Variants in SUPT3H observed in about 807,000 individuals in gnomAD.
SUPT3H encodes the protein transcription initiation protein SPT3 homolog.
Under a neutral mutation model 44.3 loss-of-function variants are expected in SUPT3H, and 44 were observed. The observed-to-expected ratio is 0.99, with a 90% CI of 0.78 to 1.28. The LOEUF (loss-of-function observed/expected upper bound fraction) is 1.28. SUPT3H is among the 50% of genes most tolerant of loss of function. SUPT3H has a pLI of 0.00. For synonymous variants in SUPT3H, 124 were observed against 125.6 expected (o/e 0.99, Z 0.09); for missense variants, 380 against 387.1 (o/e 0.98, Z 0.15).
chr6:45,074,244 C>G (rs1298875814), intron 3 of SUPT3H, among the ~76,000 whole-genome samples: 1 of 151,786 alleles, frequency 6.6e-6, no homozygotes, highest in African/African-American at 2.4e-5. Flanking sequence ...AGCATAAAAA[C>G]TATAACCATA....
intron 10 of SUPT3H, among the ~76,000 whole-genome samples, chr6:44,847,029 C>A (rs1173098394): frequency 1.3e-5 from 2 of 152,164 alleles, no homozygotes; most frequent in African/African-American, 4.8e-5. Context: ...TGTGTTTAAA[C>A]TGGAAAACAC....
intron 11 of SUPT3H, among the ~76,000 whole-genome samples, chr6:44,812,372 C>T (rs1298119794): frequency 2.0e-5 from 3 of 152,142 alleles, no homozygotes; most frequent in Non-Finnish European, 4.4e-5. Flanking sequence ...TTCCTTGGCT[C>T]GTGGCTCCTT....
chr6:44,926,251 A>C (rs891724986), intron 10 of SUPT3H, among the ~76,000 whole-genome samples: 8 of 152,124 alleles, frequency 5.3e-5, no homozygotes, highest in Non-Finnish European at 1.0e-4. Flanking sequence ...AAAATAATTA[A>C]AAATACAGAT....
intron 2 of SUPT3H, among the ~76,000 whole-genome samples, chr6:45,285,722 T>C (rs533693554): frequency 6.6e-6 from 1 of 152,228 alleles, no homozygotes; most frequent in South Asian, 2.1e-4. Flanking sequence ...ATGACTTTCT[T>C]CACAGAATTG....
At chr6:45,210,691 A>G (rs1763946275) in intron 2 of SUPT3H, among the ~76,000 whole-genome samples, 1 of 152,202 alleles carries the variant, frequency 6.6e-6, no homozygotes, top group Admixed American at 6.5e-5. Flanking sequence ...CCTTGGCAAA[A>G]TAAACTTTCT....
In SUPT3H at chr6:45,288,565, GTATATATATA is replaced by G. The variant is rs59842389; in HGVS notation, c.101+76626_101+76635del. ...TGTGTGTGTATATATATATATATAT[GTATATATATA>G]TATATATGTATATATATATATGTGT... is the stretch of plus-strand genomic sequence containing the variant. On this transcript the variant is annotated intron_variant, in intron 2 of 10. Coordinates refer to ENST00000371459, the MANE Select transcript of SUPT3H (RefSeq NM_003599.4). Among the ~76,000 whole-genome samples, 929 of 95,332 alleles carry G rather than the reference GTATATATATA, an allele frequency of 9.7e-3. 25 individuals are homozygous for G. The highest frequency in any genetic ancestry group is 0.028 in the South Asian group (73 of 2,566). 62.5% of individuals were successfully genotyped at this position (95,332 alleles called of 152,430 possible).
intron 2 of SUPT3H, among the ~76,000 whole-genome samples, chr6:45,172,926 T>C (rs1811069377): frequency 6.6e-6 from 1 of 152,178 alleles, no homozygotes; most frequent in Admixed American, 6.5e-5. Flanking sequence ...AGGAATTATA[T>C]TGGCTATCCT....
At chr6:45,145,190 T>C (rs1762121329) in intron 2 of SUPT3H, among the ~76,000 whole-genome samples, 1 of 151,702 alleles carries the variant, frequency 6.6e-6, no homozygotes, top group South Asian at 2.1e-4. Context: ...AGGGGACCAA[T>C]AAAGATCCTA....
At chr6:45,144,924 G>T (rs1805799408) in intron 2 of SUPT3H, among the ~76,000 whole-genome samples, 1 of 152,030 alleles carries the variant, frequency 6.6e-6, no homozygotes, top group Non-Finnish European at 1.5e-5. Context: ...TTTGACAACA[G>T]CTGCAAAATA....
At chr6:44,882,029 C>G (rs1300237916) in intron 10 of SUPT3H, among the ~76,000 whole-genome samples, 2 of 152,060 alleles carry the variant, frequency 1.3e-5, no homozygotes, top group East Asian at 3.9e-4. Context: ...CAAGACATAA[C>G]TAAGATCAGA....
At chr6:44,947,475 T>A (rs1392197276) in intron 9 of SUPT3H, among the ~76,000 whole-genome samples, 3 of 152,188 alleles carry the variant, frequency 2.0e-5, no homozygotes, top group African/African-American at 7.2e-5. Context: ...ATTGTGAGAC[T>A]TAGTATTGCT....
chr6:45,067,633 C>A (rs1419211499), intron 3 of SUPT3H, among the ~76,000 whole-genome samples: 1 of 150,420 alleles, frequency 6.6e-6, no homozygotes, highest in Non-Finnish European at 1.5e-5. Context: ...AAAAACAACC[C>A]CATCAAAAAG....
At position 44,839,285 on chromosome 6, in the gene SUPT3H, C is replaced by T. The variant is rs191442317; in HGVS notation, c.913-9428G>A. On this transcript the variant is annotated intron_variant, in intron 10 of 10. Coordinates refer to ENST00000371459, the MANE Select transcript of SUPT3H (RefSeq NM_003599.4). ...CATAAACACAGTGAAAAGGCTTAAG[C>T]GCATCAAAAATAAATGTTTGTTTCA... is the stretch of plus-strand genomic sequence containing the variant. Among the ~76,000 whole-genome samples the T allele has an allele frequency of 1.6e-4, 24 of 151,914 alleles. No individual in the cohort carries two copies. The East Asian group carries it at 3.9e-3, about 24-fold the overall frequency.
chr6:45,230,315 G>C (rs534546061), intron 2 of SUPT3H, among the ~76,000 whole-genome samples: 6 of 152,122 alleles, frequency 3.9e-5, no homozygotes, highest in Non-Finnish European at 7.4e-5. Context: ...GCCTAATGGT[G>C]AGAGTGGGAT....
rs70993502 is a variant in SUPT3H, at chr6:45,142,736, CAAAAAAAAAAAAAA to C, written c.102-36744_102-36731del. On this transcript the variant is annotated intron_variant, in intron 2 of 10. Transcript: ENST00000371459. ...GGGCAAGAAGAGCTAAACTCCGTCTCAAAAAAAAAAAAAAAAAAAAAAAAAAAAGCAGAATGGCA... is the reference window on the plus strand; with the variant it reads ...GGGCAAGAAGAGCTAAACTCCGTCTCAAAAAAAAAAAAAAGCAGAATGGCA... Among the ~76,000 whole-genome samples, 148 of 14,980 alleles carry C rather than the reference CAAAAAAAAAAAAAA, an allele frequency of 9.9e-3. 6 individuals carry two copies. Among genetic ancestry groups the C allele is most frequent in the African/African-American group, 0.037 (136 of 3,664 alleles). The allele number at this position is 14,980 out of a possible 152,430, so 9.8% of individuals were successfully genotyped here.
intron 6 of SUPT3H, among the ~76,000 whole-genome samples, chr6:44,996,714 T>C (rs1161722521): frequency 6.6e-6 from 1 of 151,890 alleles, no homozygotes; most frequent in Non-Finnish European, 1.5e-5. Context: ...GGAACAGCAT[T>C]TCTCAAAAGC....
intron 3 of SUPT3H, among the ~76,000 whole-genome samples, chr6:45,040,900 G>T (rs1235124411): frequency 6.6e-6 from 1 of 152,076 alleles, no homozygotes; most frequent in Non-Finnish European, 1.5e-5. Context: ...CAAGTAATTG[G>T]ACCCCAAGCT....
At chr6:44,854,553 TCTC>T (rs1773420385) in intron 10 of SUPT3H, among the ~76,000 whole-genome samples, 1 of 152,090 alleles carries the variant, frequency 6.6e-6, no homozygotes, top group South Asian at 2.1e-4. Context: ...TGAGGTTCCT[TCTC>T]CTTTTTCCCA....
intron 3 of SUPT3H, among the ~76,000 whole-genome samples, chr6:45,071,093 G>A (rs1794312575): frequency 6.6e-6 from 1 of 152,072 alleles, no homozygotes; most frequent in Non-Finnish European, 1.5e-5. Flanking sequence ...TTTGGAGAAT[G>A]TAAAATGAAG....
Sources: allele counts gnomAD v4.1 joint callset (sites outside exome capture counted in the v4.1 genomes callset), GRCh38; gene constraint gnomAD v4.1.1; transcripts MANE v1.5; gene names NCBI Gene and HGNC (gene_info 2026-07-23, HGNC 2026-07-21).